Variants in GRAMD1B observed in about 807,000 individuals in gnomAD.
GRAMD1B encodes the protein GRAM domain containing 1B.
GRAMD1B carries 37 observed loss-of-function variants against 99.7 expected under a neutral mutation model. The ratio of observed to expected loss-of-function variants is 0.37; its 90% CI spans 0.29 to 0.49. The LOEUF (loss-of-function observed/expected upper bound fraction) is 0.49, where lower values mean the gene tolerates loss of function less well. GRAMD1B is among the 20% of genes least tolerant of loss of function. The probability of loss-of-function intolerance (pLI) is 0.98; values close to 1 mark genes in which losing one functional copy is unlikely to be tolerated. For synonymous variants in GRAMD1B, 427 were observed against 387.6 expected, an observed-to-expected ratio of 1.10 and a Z score of -1.19; for missense variants, 888 against 1,009.2, an observed-to-expected ratio of 0.88 and a Z score of 1.63.
chr11:123,412,634 A>G (rs1424171043), intron 1 of GRAMD1B, among the ~76,000 whole-genome samples: 3 of 152,164 alleles, frequency 2.0e-5, no homozygotes, highest in Non-Finnish European at 4.4e-5. Flanking sequence ...ACATTTTCCC[A>G]CATTGCTTTC....
At chr11:123,381,254 C>A (rs185947044) in intron 1 of GRAMD1B, among the ~76,000 whole-genome samples, 2 of 152,166 alleles carry the variant, frequency 1.3e-5, no homozygotes, top group Non-Finnish European at 2.9e-5. Flanking sequence ...CCCTGAGAGT[C>A]CGGGCTCTAG....
At chr11:123,560,307 A>G (rs990843875) in intron 2 of GRAMD1B, 30 of 1,145,288 alleles carry the variant, frequency 2.6e-5, no homozygotes, top group Non-Finnish European at 3.0e-5. Context: ...GAGAGAGAGA[A>G]AGGGAGCCAG....
chr11:123,360,757 T>A (rs1167757478), intron 1 of GRAMD1B, among the ~76,000 whole-genome samples: 4 of 150,804 alleles, frequency 2.7e-5, no homozygotes, highest in African/African-American at 9.8e-5. Flanking sequence ...CTTTCCTTCC[T>A]TCCTTCCTTC....
At chr11:123,364,841 T>G (rs1341777450) in intron 1 of GRAMD1B, among the ~76,000 whole-genome samples, 1 of 135,512 alleles carries the variant, frequency 7.4e-6, no homozygotes, top group Non-Finnish European at 1.5e-5. Flanking sequence ...CTCCAGTTTT[T>G]CAAAAAAAAA....
At chr11:123,452,821 CA>C (rs1195005164) in intron 1 of GRAMD1B, among the ~76,000 whole-genome samples, 4 of 152,190 alleles carry the variant, frequency 2.6e-5, no homozygotes, top group Admixed American at 2.0e-4. Flanking sequence ...CTCTTCTAAC[CA>C]GGCCTTTTGC....
chr11:123,594,650 T>G, intron 5 of GRAMD1B, 85 bp from the exon 6 acceptor site: 1 of 752,524 alleles, frequency 1.3e-6, no homozygotes, highest in East Asian at 2.5e-5. Context: ...CCAGTGCTGG[T>G]GGGAGGGATG....
intron 1 of GRAMD1B, among the ~76,000 whole-genome samples, chr11:123,398,143 A>G (rs1947533211): frequency 6.6e-6 from 1 of 152,196 alleles, no homozygotes; most frequent in Admixed American, 6.6e-5. Flanking sequence ...TGTTTGAAAA[A>G]CTATGAGTTT....
intron 2 of GRAMD1B, among the ~76,000 whole-genome samples, chr11:123,534,578 G>T (rs1311489726): frequency 6.6e-6 from 1 of 151,878 alleles, no homozygotes; most frequent in Non-Finnish European, 1.5e-5. Context: ...AGAGAGACGA[G>T]CAGGCCTGGC....
In GRAMD1B at chr11:123,397,408, A is replaced by AAAAACAAAACAAAACAAAAC. The variant is rs148210099; in HGVS notation, c.-176+38624_-176+38643dup. Among the ~76,000 whole-genome samples the AAAAACAAAACAAAACAAAAC allele has an allele frequency of 2.6e-3, 389 of 150,708 alleles. 1 individual carries two copies. The highest frequency in any genetic ancestry group is 8.8e-3 in the African/African-American group (358 of 40,640). The stretch of plus-strand genomic sequence containing the variant: ...GGTGACAGAGCGAGACTCTGTCTCA[A>AAAAACAAAACAAAACAAAAC]AAAACAAAACAAAACAAAACAAAAC... On this transcript the variant is annotated intron_variant, in intron 1 of 20. Transcript: ENST00000638157.
At chr11:123,565,516 G>A (rs1247581331) in intron 2 of GRAMD1B, among the ~76,000 whole-genome samples, 1 of 152,190 alleles carries the variant, frequency 6.6e-6, no homozygotes, top group Non-Finnish European at 1.5e-5. Context: ...AATCAGCAAG[G>A]TTAGGTTAAT....
intron 2 of GRAMD1B, among the ~76,000 whole-genome samples, chr11:123,553,336 T>G (rs202031594): frequency 1.4e-5 from 1 of 71,822 alleles, no homozygotes; most frequent in South Asian, 3.1e-4. Context: ...TGAAATGGGG[T>G]TTACCCCTAG....
chr11:123,430,003 C>A (rs551528902), upstream of GRAMD1B, among the ~76,000 whole-genome samples: 11 of 152,212 alleles, frequency 7.2e-5, no homozygotes, highest in East Asian at 1.7e-3. Context: ...CCCCCCACCC[C>A]CAAGGAAATA....
At chr11:123,576,156 C>T (rs1354584269) in intron 2 of GRAMD1B, among the ~76,000 whole-genome samples, 1 of 152,154 alleles carries the variant, frequency 6.6e-6, no homozygotes, top group Non-Finnish European at 1.5e-5. Context: ...GTTTTCATTG[C>T]AAATGGGGCC....
At chr11:123,619,564 A>G in intron 19 of GRAMD1B, 1 of 1,175,758 alleles carries the variant, frequency 8.5e-7, no homozygotes, top group Non-Finnish European at 1.1e-6. Flanking sequence ...CAGCCCTTTT[A>G]CAGAGATTTG....
At chr11:123,462,636 C>CA (rs1950479580) in intron 1 of GRAMD1B, among the ~76,000 whole-genome samples, 1 of 152,086 alleles carries the variant, frequency 6.6e-6, no homozygotes, top group Admixed American at 6.6e-5. Flanking sequence ...AATTCAGGGA[C>CA]AAAAAACCTT....
intron 2 of GRAMD1B, among the ~76,000 whole-genome samples, chr11:123,519,688 G>A (rs1234183295): frequency 6.6e-6 from 1 of 152,238 alleles, no homozygotes; most frequent in East Asian, 1.9e-4. Flanking sequence ...GGAGCAAAGA[G>A]GGGCACATAG....
rs953822565 is a variant in GRAMD1B at position 123,411,476 on chromosome 11, G to A, written c.-176+52677G>A. Among the ~76,000 whole-genome samples, 11 of 152,062 alleles carry A rather than the reference G, an allele frequency of 7.2e-5. 1 individual carries two copies. The highest frequency in any genetic ancestry group is 5.9e-4 in the Admixed American group (9 of 15,262). ...GGGAATCCTGGTAGGTAGAGCTCTC[G>A]AAATCATAATGTCAGCTCTGGAACA... On this transcript the variant is annotated intron_variant, in intron 1 of 20. Coordinates refer to the GRAMD1B transcript ENST00000638157.
At chr11:123,593,732 T>A (rs1057176946) in intron 4 of GRAMD1B, among the ~76,000 whole-genome samples, 16 of 152,148 alleles carry the variant, frequency 1.1e-4, no homozygotes, top group African/African-American at 3.9e-4. Context: ...AAGGTGGTGC[T>A]GGCAGAAGGC....
intron 1 of GRAMD1B, among the ~76,000 whole-genome samples, chr11:123,374,166 T>C (rs773924407): frequency 2.2e-4 from 33 of 152,312 alleles, no homozygotes; most frequent in Middle Eastern, 3.4e-3. Context: ...GGATTGTTTC[T>C]CTGTTATCTA....
Sources: gnomAD v4.1 joint callset for allele counts (sites outside exome capture counted in the v4.1 genomes callset) on GRCh38, gnomAD v4.1.1 for gene constraint, MANE v1.5 for transcripts, NCBI Gene and HGNC (gene_info 2026-07-23, HGNC 2026-07-21) for gene names.